Variants in SETBP1 observed in about 807,000 individuals in gnomAD.
The protein encoded by SETBP1 is SET-binding protein.
SETBP1 carries 9 observed loss-of-function variants against 101.0 expected under a neutral mutation model. That is an observed-to-expected ratio of 0.09 (90% CI 0.05 to 0.16). SETBP1 has a LOEUF of 0.16. Among genes scored for constraint, SETBP1 ranks in the 10% least tolerant of loss-of-function variants. The pLI, the probability that SETBP1 is intolerant of heterozygous loss-of-function variation, is 1.00. For missense variants in SETBP1, 1,858 were observed against 2,033.8 expected (o/e 0.91, Z 1.66); for synonymous variants, 818 against 788.5 (o/e 1.04, Z -0.63).
intron 2 of SETBP1, among the ~76,000 whole-genome samples, chr18:44,772,617 C>G (rs1203464167): frequency 6.6e-6 from 1 of 152,160 alleles, no homozygotes; most frequent in Non-Finnish European, 1.5e-5. Context: ...TCTTGGTCAT[C>G]CTCCCAAGTA....
At chr18:44,818,078 A>G (rs918832548) in intron 2 of SETBP1, among the ~76,000 whole-genome samples, 5 of 152,202 alleles carry the variant, frequency 3.3e-5, no homozygotes, top group African/African-American at 1.2e-4. Context: ...TTAATCTTCT[A>G]TTACAGCGAG....
rs1298654051 is a variant in SETBP1 at position 44,995,266 on chromosome 18, C to T, written c.4000+41926C>T. On this transcript the variant is annotated intron_variant, in intron 4 of 5. Coordinates refer to ENST00000649279, the MANE Select transcript of SETBP1 (RefSeq NM_015559.3). Reference sequence around the variant, plus strand: ...ACGCCATTCTCCTGCCTCAGCCTCCCGAGTAGCTGGGACTACAGGCACCTG... The same window carrying T: ...ACGCCATTCTCCTGCCTCAGCCTCCTGAGTAGCTGGGACTACAGGCACCTG... 6.6e-5 allele frequency among the ~76,000 whole-genome samples: 10 copies of T among 151,344 alleles called. No homozygotes were observed. In the South Asian group the frequency reaches 2.1e-3, roughly 32 times the overall value.
At chr18:44,781,308 G>T (rs1355097113) in intron 2 of SETBP1, among the ~76,000 whole-genome samples, 1 of 152,128 alleles carries the variant, frequency 6.6e-6, no homozygotes, top group African/African-American at 2.4e-5. Context: ...GCAAGGATAT[G>T]CCCACTTAAC....
intron 1 of SETBP1, 132 bp from the exon 2 acceptor site, chr18:44,701,043 T>C (rs985902441): frequency 3.5e-6 from 1 of 283,252 alleles, no homozygotes; most frequent in Non-Finnish European, 6.6e-6. Context: ...CTTATTCTGG[T>C]TAGCTGTTTT....
chr18:44,840,788 C>G (rs567814299), intron 2 of SETBP1, among the ~76,000 whole-genome samples: 1 of 152,328 alleles, frequency 6.6e-6, no homozygotes, highest in East Asian at 1.9e-4. Flanking sequence ...CTGGCAGTAC[C>G]TTTAGAATCA....
chr18:44,862,973 C>T (rs1396179793), intron 2 of SETBP1, among the ~76,000 whole-genome samples: 1 of 152,188 alleles, frequency 6.6e-6, no homozygotes, highest in Admixed American at 6.5e-5. Flanking sequence ...AGAACCAGGA[C>T]TATGACAGAG....
chr18:44,791,276 G>A (rs888509843), intron 2 of SETBP1, among the ~76,000 whole-genome samples: 3 of 151,964 alleles, frequency 2.0e-5, no homozygotes, highest in Admixed American at 1.3e-4. Flanking sequence ...CAGCTCCCAC[G>A]AAAAACAATG....
At chr18:44,739,412 G>C (rs575606399) in intron 2 of SETBP1, among the ~76,000 whole-genome samples, 1 of 152,220 alleles carries the variant, frequency 6.6e-6, no homozygotes, top group East Asian at 1.9e-4. Context: ...ATCTGTGACT[G>C]CTCCTCCAAG....
In SETBP1 at chr18:45,065,438, G is replaced by A. The variant is rs2073954057; in HGVS notation, c.*1740G>A. 1 of 152,094 alleles carries A rather than the reference G, an allele frequency of 6.6e-6. No individual in the cohort carries two copies. The highest frequency in any genetic ancestry group is 2.1e-4 in the South Asian group (1 of 4,820). 9.4% of individuals were successfully genotyped at this position (152,094 alleles called of 1,614,324 possible). A position where few individuals can be genotyped will look rare whatever the true frequency, so the allele number is the denominator to read the frequency against. On this transcript the variant is annotated 3_prime_UTR_variant, in exon 6 of 6. Transcript: ENST00000649279. ...AATTAAGTTTCTTTACAGGAAGTTG[G>A]GACCAGCTGGAAATTGTATTATCAT...
intron 5 of SETBP1, among the ~76,000 whole-genome samples, 175 bp downstream of exon 5, chr18:45,038,830 A>T (rs1042860447): frequency 2.0e-5 from 3 of 152,180 alleles, no homozygotes; most frequent in Non-Finnish European, 4.4e-5. Flanking sequence ...GAGATCTGAG[A>T]AAAGGAGATC....
At chr18:44,726,134 C>T (rs1316111894) in intron 2 of SETBP1, among the ~76,000 whole-genome samples, 1 of 152,124 alleles carries the variant, frequency 6.6e-6, no homozygotes, top group Non-Finnish European at 1.5e-5. Flanking sequence ...AGGGACCATT[C>T]CTAAAGCTTC....
chr18:45,031,704 C>T (rs937588073), intron 4 of SETBP1, among the ~76,000 whole-genome samples: 20 of 152,070 alleles, frequency 1.3e-4, no homozygotes, highest in Admixed American at 7.2e-4. Flanking sequence ...AGCTAGGTGC[C>T]GGGGAACCAA....
At chr18:44,836,500 GCTCCACTCTA>G (rs2072498080) in intron 2 of SETBP1, among the ~76,000 whole-genome samples, 1 of 151,952 alleles carries the variant, frequency 6.6e-6, no homozygotes, top group Admixed American at 6.6e-5. Context: ...ACTCCACTCT[GCTCCACTCTA>G]CTCCACTCCA....
intron 5 of SETBP1, among the ~76,000 whole-genome samples, chr18:45,057,047 A>G (rs888731887): frequency 2.6e-5 from 4 of 152,186 alleles, no homozygotes; most frequent in African/African-American, 9.6e-5. Flanking sequence ...CAGAGTGAAA[A>G]CACCATCATA....
intron 4 of SETBP1, among the ~76,000 whole-genome samples, chr18:45,021,020 C>G (rs1194048901): frequency 6.6e-6 from 1 of 152,142 alleles, no homozygotes; most frequent in African/African-American, 2.4e-5. Flanking sequence ...GGTTATTATA[C>G]CAATTCTTTT....
chr18:44,838,935 C>T (rs777169896), intron 2 of SETBP1, among the ~76,000 whole-genome samples: 18 of 152,064 alleles, frequency 1.2e-4, no homozygotes, highest in Non-Finnish European at 2.5e-4. Context: ...ATGAACTGAT[C>T]CCATTTTTAA....
chr18:44,776,278 T>C (rs892972559), intron 2 of SETBP1, among the ~76,000 whole-genome samples: 4 of 152,224 alleles, frequency 2.6e-5, no homozygotes, highest in South Asian at 2.1e-4. Context: ...GCTCATATTT[T>C]ACTGTTCCTG....
intron 4 of SETBP1, among the ~76,000 whole-genome samples, chr18:44,998,278 C>A (rs911817546): frequency 6.6e-6 from 1 of 152,222 alleles, no homozygotes; most frequent in African/African-American, 2.4e-5. Context: ...ATGGAAAACA[C>A]CTGAGTGGGG....
At chr18:44,985,074 G>C (rs2072201645) in intron 4 of SETBP1, among the ~76,000 whole-genome samples, 1 of 152,180 alleles carries the variant, frequency 6.6e-6, no homozygotes, top group Non-Finnish European at 1.5e-5. Context: ...CCAGGAGGCG[G>C]AGGTTGCAGT....
Sources: allele counts gnomAD v4.1 joint callset (sites outside exome capture counted in the v4.1 genomes callset), GRCh38; gene constraint gnomAD v4.1.1; transcripts MANE v1.5; gene names NCBI Gene and HGNC (gene_info 2026-07-23, HGNC 2026-07-21).